Variants in HUWE1 observed in about 807,000 individuals in gnomAD.
HUWE1 encodes the protein E3 ubiquitin-protein ligase HUWE1.
A neutral mutation model predicts 299.4 loss-of-function variants in HUWE1; 18 were observed. The ratio of observed to expected loss-of-function variants is 0.06; its 90% CI spans 0.04 to 0.09. HUWE1 has a LOEUF of 0.09. Ranked by LOEUF, HUWE1 falls within the 10% of genes least tolerant of loss-of-function variation. The probability of loss-of-function intolerance (pLI) is 1.00; values close to 1 mark genes in which losing one functional copy is unlikely to be tolerated. For missense variants in HUWE1, 1,832 were observed against 3,462.3 expected (o/e 0.53, Z 11.82); for synonymous variants, 1,317 against 1,286.1 (o/e 1.02, Z -0.51).
rs1365253651 is a variant in HUWE1 at position 53,532,557 on chromosome X, T to TA, written c.*751dup. On this transcript the variant is annotated 3_prime_UTR_variant, in exon 84 of 84. Coordinates refer to ENST00000262854, the MANE Select transcript of HUWE1 (RefSeq NM_031407.7). ...CCATCCCCAAGTGCAGCTCCCATTC[T>TA]AAAAAAAAAAAACAGATGCCCCCAC... The TA allele has an allele frequency of 4.9e-3, 483 of 98,610 alleles. 3 individuals are homozygous for TA. The highest frequency in any genetic ancestry group is 0.01 in the Middle Eastern group (2 of 195). 8.1% of individuals were successfully genotyped at this position (98,610 alleles called of 1,213,427 possible).
intron 28 of HUWE1, among the ~76,000 whole-genome samples, chrX:53,601,665 A>ATTTTT (rs34074990): frequency 1.1e-5 from 1 of 93,749 alleles, no homozygotes; most frequent in Non-Finnish European, 2.1e-5. Context: ...GAAATTTGGA[A>ATTTTT]TTTTTTTTTT....
At chrX:53,554,300 C>T (rs1312921782) in intron 61 of HUWE1, among the ~76,000 whole-genome samples, 2 of 110,177 alleles carry the variant, frequency 1.8e-5, no homozygotes, top group Non-Finnish European at 3.8e-5. Flanking sequence ...CTCAAATGAT[C>T]CCCCTGCCTC....
At chrX:53,571,912 C>T (rs887344332) in intron 47 of HUWE1, among the ~76,000 whole-genome samples, 1 of 111,964 alleles carries the variant, frequency 8.9e-6, no homozygotes, top group Admixed American at 9.5e-5. Flanking sequence ...AACTATCATA[C>T]TCTAGAGCTC....
chrX:53,634,807 A>T lies in HUWE1; in HGVS notation c.505-509T>A, dbSNP rs372382494. On this transcript the variant is annotated intron_variant, in intron 7 of 83. Transcript: ENST00000262854. ...TGAGTTACAAAGCAGATTCTACCTTATTTATTACTACTGTACTTTGCCACT... is the reference window on the plus strand; with the variant it reads ...TGAGTTACAAAGCAGATTCTACCTTTTTTATTACTACTGTACTTTGCCACT... 8.0e-5 allele frequency among the ~76,000 whole-genome samples: 9 copies of T among 112,044 alleles called. No individual in the cohort carries two copies. In the East Asian group the frequency reaches 2.2e-3, roughly 28 times the overall value.
intron 2 of HUWE1, among the ~76,000 whole-genome samples, chrX:53,683,424 T>G (rs940965043): frequency 6.4e-5 from 7 of 109,922 alleles, no homozygotes; most frequent in African/African-American, 2.0e-4. Flanking sequence ...AGAACGGAGG[T>G]TGGCCGGCAG....
intron 63 of HUWE1, 136 bp downstream of exon 63, chrX:53,552,175 C>T: frequency 1.4e-6 from 1 of 691,647 alleles, no homozygotes; most frequent in Non-Finnish European, 2.2e-6. Context: ...CATACCAGCA[C>T]CCCCGCTTAT....
intron 19 of HUWE1, among the ~76,000 whole-genome samples, chrX:53,622,141 T>C (rs781860127): frequency 1.8e-5 from 2 of 111,661 alleles, no homozygotes; most frequent in Non-Finnish European, 3.8e-5. Flanking sequence ...TGCTTCCATA[T>C]TAAACTTCCC....
chrX:53,673,522 T>C (rs782573714), intron 3 of HUWE1, among the ~76,000 whole-genome samples: 9 of 112,020 alleles, frequency 8.0e-5, no homozygotes, highest in African/African-American at 2.6e-4. Context: ...CATGGGTATA[T>C]TGTGCAGTAG....
chrX:53,561,783 CAAT>C lies in HUWE1; in HGVS notation c.7477_7479del (p.Ile2493del). On this transcript the variant is annotated inframe_deletion, in exon 55 of 84. Coordinates refer to ENST00000262854, the MANE Select transcript of HUWE1 (RefSeq NM_031407.7). ...GCACTGGAGAACATGTTGTCAAACT[CAAT>C]GATGAGATCATCCTCCCGGTCAAAG... is the stretch of plus-strand genomic sequence containing the variant. 8.3e-7 allele frequency: 1 copy of C among 1,210,828 alleles called. No individual in the cohort carries two copies. Among genetic ancestry groups the C allele is most frequent in the Non-Finnish European group, 1.1e-6 (1 of 895,050 alleles).
chrX:53,584,352 A>T lies in HUWE1; in HGVS notation c.5002-7T>A. On this transcript the variant is annotated splice_polypyrimidine_tract_variant and splice_region_variant and intron_variant, in intron 40 of 83. Transcript: ENST00000262854. ...TCCCTGTTTCCTCATTAACCTAGGAATTCAAACAGACATTAAAAAAACCTC... is the reference window on the plus strand; with the variant it reads ...TCCCTGTTTCCTCATTAACCTAGGATTTCAAACAGACATTAAAAAAACCTC... 8.3e-7 allele frequency: 1 copy of T among 1,198,106 alleles called. No homozygotes were observed. Among genetic ancestry groups the T allele is most frequent in the South Asian group, 1.8e-5 (1 of 56,468 alleles).
intron 33 of HUWE1, among the ~76,000 whole-genome samples, chrX:53,591,643 T>G (rs2064166359): frequency 8.9e-6 from 1 of 112,273 alleles, no homozygotes; most frequent in South Asian, 3.7e-4. Context: ...TAAAAAAAAG[T>G]TCTTGATAAC....
intron 4 of HUWE1, among the ~76,000 whole-genome samples, chrX:53,652,274 T>C (rs782529045): frequency 2.7e-5 from 3 of 112,060 alleles, no homozygotes; most frequent in Non-Finnish European, 3.8e-5. Flanking sequence ...AAAGTAAACA[T>C]TCACCTACAT....
At chrX:53,603,166 G>C (rs986895704) in intron 27 of HUWE1, among the ~76,000 whole-genome samples, 1 of 111,235 alleles carries the variant, frequency 9.0e-6, no homozygotes, top group Non-Finnish European at 1.9e-5. Flanking sequence ...TCAATTTTTT[G>C]TATCTGGCTA....
intron 60 of HUWE1, among the ~76,000 whole-genome samples, chrX:53,555,803 G>C (rs1273746678): frequency 4.6e-5 from 5 of 108,900 alleles, no homozygotes; most frequent in Non-Finnish European, 9.5e-5. Flanking sequence ...CACCAAGCCT[G>C]GCTAATTTTT....
intron 31 of HUWE1, among the ~76,000 whole-genome samples, chrX:53,593,969 C>T: frequency 9.1e-6 from 1 of 110,382 alleles, no homozygotes; most frequent in East Asian, 2.8e-4. Context: ...TGGTGGCGGG[C>T]GCCTGTAGTC....
chrX:53,579,896 A>G (rs868984159), intron 43 of HUWE1: 1 of 98,391 alleles, frequency 1.0e-5, no homozygotes, highest in East Asian at 3.1e-4. Context: ...CTATTGTCCT[A>G]TGACCCTGCC....
At chrX:53,541,370 T>C (rs2147044964) in intron 74 of HUWE1, among the ~76,000 whole-genome samples, 1 of 110,705 alleles carries the variant, frequency 9.0e-6, no homozygotes, top group African/African-American at 3.3e-5. Context: ...GGTGGATCAC[T>C]TGAGGTCAGG....
intron 19 of HUWE1, among the ~76,000 whole-genome samples, chrX:53,622,086 G>C (rs374596713): frequency 1.8e-5 from 2 of 111,804 alleles, no homozygotes; most frequent in African/African-American, 6.5e-5. Context: ...ATATTTAGTG[G>C]GTTTGAGTGT....
intron 4 of HUWE1, among the ~76,000 whole-genome samples, chrX:53,649,149 T>C (rs1355302560): frequency 1.8e-5 from 2 of 112,245 alleles, no homozygotes; most frequent in East Asian, 2.8e-4. Context: ...TTTAACTTCA[T>C]GTTTACTAAG....
Sources: allele counts gnomAD v4.1 joint callset (sites outside exome capture counted in the v4.1 genomes callset), GRCh38; gene constraint gnomAD v4.1.1; transcripts MANE v1.5; gene names NCBI Gene and HGNC (gene_info 2026-07-23, HGNC 2026-07-21).